ANKRD44: variants seen among roughly 807,000 people sequenced by gnomAD.
ANKRD44 encodes the protein serine/threonine-protein phosphatase 6 regulatory ankyrin repeat subunit B.
In ANKRD44, 35 loss-of-function variants were observed where a neutral mutation model predicts 116.0. The observed-to-expected ratio is 0.30, with a 90% CI of 0.23 to 0.40. ANKRD44 has a LOEUF of 0.40. ANKRD44 is among the 10% of genes least tolerant of loss of function. ANKRD44 has a pLI of 1.00. For missense variants in ANKRD44, 1,014 were observed against 1,242.6 expected (o/e 0.82, Z 2.77); for synonymous variants, 435 against 461.8 (o/e 0.94, Z 0.74).
intron 1 of ANKRD44, chr2:197,302,396 T>C (rs1046246262): frequency 6.6e-6 from 1 of 152,162 alleles, no homozygotes; most frequent in African/African-American, 2.4e-5. Context: ...TGGCAGCCAG[T>C]GAAAAATACA....
intron 1 of ANKRD44, among the ~76,000 whole-genome samples, chr2:197,307,990 C>T (rs1451089555): frequency 2.6e-5 from 4 of 151,938 alleles, no homozygotes; most frequent in African/African-American, 7.3e-5. Flanking sequence ...GGCAACATGG[C>T]GAAACTCTGT....
intron 1 of ANKRD44, among the ~76,000 whole-genome samples, chr2:197,306,717 TC>T (rs2084084478): frequency 6.6e-6 from 1 of 152,072 alleles, no homozygotes; most frequent in South Asian, 2.1e-4. Flanking sequence ...GGGCTAGAAA[TC>T]CTGCTCCCAA....
chr2:196,993,467 C>T, intron 27 of ANKRD44, 116 bp downstream of exon 27: 1 of 816,448 alleles, frequency 1.2e-6, no homozygotes, highest in East Asian at 2.7e-5. Context: ...ACAGGACTTC[C>T]AAGGGGGACA....
At chr2:197,139,050 G>C (rs1376698343) in intron 3 of ANKRD44, among the ~76,000 whole-genome samples, 1 of 152,074 alleles carries the variant, frequency 6.6e-6, no homozygotes, top group Non-Finnish European at 1.5e-5. Context: ...CAAGGGTATG[G>C]AGCAACAGGA....
chr2:196,977,148 T>C (rs567118731), intron 21 of ANKRD44, among the ~76,000 whole-genome samples: 24 of 152,302 alleles, frequency 1.6e-4, no homozygotes, highest in African/African-American at 4.8e-4. Context: ...TACTGAAAAC[T>C]AGAAAGCACT....
chr2:197,140,717 C>T (rs1179293237), intron 3 of ANKRD44, among the ~76,000 whole-genome samples: 1 of 148,074 alleles, frequency 6.8e-6, no homozygotes, highest in South Asian at 2.1e-4. Context: ...GTTCTCACCA[C>T]ACACACATCC....
rs1327017321 is a variant in ANKRD44, at chr2:197,000,463, C to T, written c.2475G>A (p.Gly825=). The T allele has an allele frequency of 6.2e-7, 1 of 1,613,862 alleles. No individual in the cohort carries two copies. The highest frequency in any genetic ancestry group is 8.5e-7 in the Non-Finnish European group (1 of 1,180,006). The part of the protein sequence containing the change: ...DHGNCASLLL[G]AIDSSIVSCR... The stretch of plus-strand genomic sequence containing the variant: ...AACTGACGATACTGGAATCTATGGC[C>T]CCAAGCAGCAATGATGCACAATTCC... The change falls in exon 23 of 28, where the codon GGG becomes GGA. Residue 825 remains glycine (G), a synonymous_variant. Coordinates refer to ENST00000282272, the MANE Select transcript of ANKRD44 (RefSeq NM_001195144.2).
In ANKRD44 at chr2:197,171,999, CTT is replaced by C. The variant is rs34135336; in HGVS notation, c.111+15022_111+15023del. On this transcript the variant is annotated intron_variant, in intron 2 of 27. Transcript: ENST00000282272. ...TATTACCATGTCCGTTATTTTTCTT[CTT>C]TTTTTTTTTTTTTTTTGAGATAATG... 2.2e-3 allele frequency among the ~76,000 whole-genome samples: 96 copies of C among 43,726 alleles called. 1 individual carries two copies. The highest frequency in any genetic ancestry group is 3.9e-3 in the African/African-American group (85 of 22,074). 28.7% of individuals were successfully genotyped at this position (43,726 alleles called of 152,430 possible). A position where few individuals can be genotyped will look rare whatever the true frequency, so the allele number is the denominator to read the frequency against.
intron 17 of ANKRD44, chr2:197,015,291 A>G: frequency 2.4e-6 from 1 of 413,460 alleles, no homozygotes; most frequent in Non-Finnish European, 4.5e-6. Flanking sequence ...TAAAGAAGAT[A>G]TAGAGGAATA....
At chr2:197,208,255 G>C (rs981091174) in intron 1 of ANKRD44, among the ~76,000 whole-genome samples, 1 of 152,164 alleles carries the variant, frequency 6.6e-6, no homozygotes, top group Non-Finnish European at 1.5e-5. Context: ...CGCCCCAATA[G>C]TGCAAGAACA....
At chr2:197,186,527 T>C (rs1212634233) in intron 2 of ANKRD44, among the ~76,000 whole-genome samples, 3 of 150,922 alleles carry the variant, frequency 2.0e-5, no homozygotes, top group Non-Finnish European at 4.4e-5. Flanking sequence ...TGCAGTGGCG[T>C]GATCAAAGTT....
intron 17 of ANKRD44, among the ~76,000 whole-genome samples, chr2:197,022,518 T>A (rs1009890182): frequency 3.3e-5 from 5 of 152,196 alleles, no homozygotes; most frequent in Non-Finnish European, 7.3e-5. Flanking sequence ...CCACAACATG[T>A]GAGGCATTGC....
intron 2 of ANKRD44, among the ~76,000 whole-genome samples, chr2:197,185,298 G>A (rs1258273061): frequency 6.6e-6 from 1 of 152,194 alleles, no homozygotes; most frequent in Non-Finnish European, 1.5e-5. Flanking sequence ...GCCAGCTGGG[G>A]AGAAGCTGCC....
intron 1 of ANKRD44, among the ~76,000 whole-genome samples, chr2:197,228,041 A>T (rs568134093): frequency 6.6e-6 from 1 of 152,300 alleles, no homozygotes; most frequent in African/African-American, 2.4e-5. Flanking sequence ...TAACATCCCA[A>T]CTGTAAGTCA....
chr2:197,024,786 A>G (rs571189422), intron 17 of ANKRD44, among the ~76,000 whole-genome samples: 12 of 152,338 alleles, frequency 7.9e-5, no homozygotes, highest in Admixed American at 4.6e-4. Flanking sequence ...ACATCCTGCC[A>G]GTTTTTAACT....
chr2:197,147,140 C>A (rs1419489708), intron 2 of ANKRD44, 35 bp from the exon 3 acceptor site: 3 of 1,592,684 alleles, frequency 1.9e-6, no homozygotes, highest in East Asian at 2.2e-5. Context: ...TACAACAGGT[C>A]AGTGGCAGCT....
chr2:197,153,098 T>G (rs1335397351), intron 2 of ANKRD44, among the ~76,000 whole-genome samples: 1 of 151,532 alleles, frequency 6.6e-6, no homozygotes. Context: ...TCCCAGATAC[T>G]TGGGAGGCTG....
chr2:197,253,174 T>C (rs936741140), intron 1 of ANKRD44, among the ~76,000 whole-genome samples: 4 of 152,228 alleles, frequency 2.6e-5, no homozygotes, highest in Non-Finnish European at 5.9e-5. Flanking sequence ...AATTTTATTT[T>C]TTCAAGCTTT....
chr2:197,077,528 G>A (rs185859705), intron 16 of ANKRD44, among the ~76,000 whole-genome samples: 147 of 152,210 alleles, frequency 9.7e-4, no homozygotes, highest in Non-Finnish European at 1.2e-3. Context: ...GGGAGGGGTT[G>A]GGGCATAAGA....
Sources: allele counts gnomAD v4.1 joint callset (sites outside exome capture counted in the v4.1 genomes callset), GRCh38; gene constraint gnomAD v4.1.1; transcripts MANE v1.5; gene names NCBI Gene and HGNC (gene_info 2026-07-23, HGNC 2026-07-21).